Variants in CDC16 observed in about 807,000 individuals in gnomAD.
CDC16 encodes cell division cycle 16.
A neutral mutation model predicts 87.0 loss-of-function variants in CDC16; 34 were observed. The ratio of observed to expected loss-of-function variants is 0.39; its 90% CI spans 0.30 to 0.52. The LOEUF is 0.52. CDC16 is among the 20% of genes least tolerant of loss of function. The probability of loss-of-function intolerance (pLI) is 0.74; values close to 1 mark genes in which losing one functional copy is unlikely to be tolerated. For missense variants in CDC16, 653 were observed against 751.9 expected, an observed-to-expected ratio of 0.87 and a Z score of 1.54; for synonymous variants, 263 against 260.6, an observed-to-expected ratio of 1.01 and a Z score of -0.09.
At chr13:114,252,347 TATC>T (rs1450455385) in intron 12 of CDC16, among the ~76,000 whole-genome samples, 3 of 152,230 alleles carry the variant, frequency 2.0e-5, no homozygotes, top group East Asian at 3.8e-4. Context: ...TAACCTTTAT[TATC>T]TTTTCATAGG....
chr13:114,243,631 G>A (rs2081678695), intron 7 of CDC16, among the ~76,000 whole-genome samples: 8 of 152,224 alleles, frequency 5.3e-5, no homozygotes, highest in Admixed American at 4.6e-4. Flanking sequence ...CTTCCTGAAT[G>A]TTTACTTTGA....
At chr13:114,236,606 A>G (rs751584124) in intron 1 of CDC16, 39 bp from the exon 2 acceptor site, 1 of 1,586,718 alleles carries the variant, frequency 6.3e-7, no homozygotes, top group South Asian at 1.2e-5. Flanking sequence ...TATTAAAATA[A>G]CAGGGCAGTT....
chr13:114,234,929 TGGGTGG>T lies in CDC16; in HGVS notation c.-153_-148del. On this transcript the variant is annotated 5_prime_UTR_variant, in exon 1 of 18. Transcript: ENST00000356221. The stretch of plus-strand genomic sequence containing the variant: ...GGGGCCTGGGTGGGGGGTGCGGGTG[TGGGTGG>T]GGACCTGCGGCCTTCGAGTCCGCGG... 1 of 369,482 alleles carries T rather than the reference TGGGTGG, an allele frequency of 2.7e-6. No individual in the cohort carries two copies. Among genetic ancestry groups the T allele is most frequent in the South Asian group, 1.4e-4 (1 of 7,278 alleles). The allele number at this position is 369,482 out of a possible 1,614,324, so 22.9% of individuals were successfully genotyped here.
intron 14 of CDC16, among the ~76,000 whole-genome samples, chr13:114,259,818 G>C (rs983274039): frequency 6.6e-6 from 1 of 152,198 alleles, no homozygotes; most frequent in African/African-American, 2.4e-5. Flanking sequence ...ATAGGGATGG[G>C]ATAGGTATTA....
At chr13:114,240,880 T>C (rs957757017) in intron 5 of CDC16, among the ~76,000 whole-genome samples, 3 of 152,232 alleles carry the variant, frequency 2.0e-5, no homozygotes, top group Non-Finnish European at 2.9e-5. Context: ...CATTAACTTA[T>C]TTGCTATGAA....
chr13:114,249,963 C>T (rs1029590894), intron 11 of CDC16, among the ~76,000 whole-genome samples: 1 of 152,168 alleles, frequency 6.6e-6, no homozygotes, highest in African/African-American at 2.4e-5. Flanking sequence ...AATGTGGTGA[C>T]AGCTTGTTTA....
At chr13:114,258,203 A>G (rs2082627901) in intron 13 of CDC16, among the ~76,000 whole-genome samples, 1 of 152,252 alleles carries the variant, frequency 6.6e-6, no homozygotes, top group Non-Finnish European at 1.5e-5. Context: ...ATCTTTTAAT[A>G]TAATACAGTA....
chr13:114,239,221 A>G (rs1184058814), intron 4 of CDC16, 129 bp from the exon 5 acceptor site: 48 of 1,443,822 alleles, frequency 3.3e-5, no homozygotes, highest in Non-Finnish European at 4.2e-5. Flanking sequence ...ACATGCATGA[A>G]GAAAATTCTA....
intron 8 of CDC16, 54 bp from the exon 9 acceptor site, chr13:114,244,836 T>G: frequency 9.2e-7 from 1 of 1,092,640 alleles, no homozygotes; most frequent in Non-Finnish European, 1.4e-6. Context: ...CCGATCGTCG[T>G]GAGTGCTGTC....
At chr13:114,271,366 G>T (rs1192797358) in intron 17 of CDC16, among the ~76,000 whole-genome samples, 1 of 152,156 alleles carries the variant, frequency 6.6e-6, no homozygotes, top group Non-Finnish European at 1.5e-5. Context: ...CATCTGTTCA[G>T]ATCTGTTCAA....
At chr13:114,250,791 C>A in intron 12 of CDC16, 117 bp downstream of exon 12, 1 of 981,166 alleles carries the variant, frequency 1.0e-6, no homozygotes, top group Non-Finnish European at 1.5e-6. Context: ...ATTTTACTTG[C>A]CTTTTAATCT....
intron 3 of CDC16, among the ~76,000 whole-genome samples, chr13:114,238,503 G>T (rs1238564332): frequency 6.6e-6 from 1 of 150,676 alleles, no homozygotes; most frequent in African/African-American, 2.5e-5. Flanking sequence ...GCCTGAAGTG[G>T]AGCTGCTGCG....
chr13:114,251,904 A>G (rs1421659225), intron 12 of CDC16, among the ~76,000 whole-genome samples: 2 of 152,178 alleles, frequency 1.3e-5, no homozygotes, highest in Non-Finnish European at 2.9e-5. Flanking sequence ...ACCCTATTGG[A>G]TAAAAGCCTT....
At chr13:114,249,185 G>A (rs1009055502) in intron 11 of CDC16, among the ~76,000 whole-genome samples, 1 of 151,468 alleles carries the variant, frequency 6.6e-6, no homozygotes, top group Non-Finnish European at 1.5e-5. Flanking sequence ...TTAGATTCTC[G>A]TAAGGAGTGC....
chr13:114,252,750 T>C (rs201055192), intron 12 of CDC16, among the ~76,000 whole-genome samples: 3 of 150,078 alleles, frequency 2.0e-5, no homozygotes, highest in East Asian at 3.9e-4. Flanking sequence ...AGAATAGTTA[T>C]TAGTTAGTTC....
At position 114,239,548 on chromosome 13, in the gene CDC16, G is replaced by A. The variant is rs2081439096; in HGVS notation, c.381+58G>A. ...GCGGCGAGAATTGCCCTCATTACGTGGCAGAAACACATTATCTTCTTTTAC... is the reference window on the plus strand; with the variant it reads ...GCGGCGAGAATTGCCCTCATTACGTAGCAGAAACACATTATCTTCTTTTAC... On this transcript the variant is annotated intron_variant, in intron 5 of 17. Coordinates refer to ENST00000356221, the MANE Select transcript of CDC16 (RefSeq NM_001078645.3). 11 of 1,428,046 alleles carry A rather than the reference G, an allele frequency of 7.7e-6. No individual in the cohort carries two copies. The East Asian group carries it at 2.6e-4, about 34-fold the overall frequency. The allele number at this position is 1,428,046 out of a possible 1,614,324, so 88.5% of individuals were successfully genotyped here.
At position 114,243,277 on chromosome 13, in the gene CDC16, C is replaced by G. The variant is rs1245986207; in HGVS notation, c.562C>G (p.Leu188Val). The G allele has an allele frequency of 3.2e-6, 5 of 1,552,096 alleles. No individual in the cohort carries two copies. The highest frequency in any genetic ancestry group is 4.4e-6 in the Non-Finnish European group (5 of 1,124,870). The change falls in exon 7 of 18, where the codon CTA becomes GTA. Residue 188 changes from leucine to valine, a missense_variant. By Grantham distance (32) the Leu-to-Val change is conservative (BLOSUM62 1). Coordinates refer to ENST00000356221, the MANE Select transcript of CDC16 (RefSeq NM_001078645.3). ...AQEEKELLES[L>V]PLSKLCNEEQ... ...TTAAGAAAAAGAACTTCTTGAATCA[C>G]TACCCCTTAGCAAGCTGTGTAATGA... is the stretch of plus-strand genomic sequence containing the variant.
At chr13:114,241,219 TTC>T in intron 5 of CDC16, among the ~76,000 whole-genome samples, 1 of 152,330 alleles carries the variant, frequency 6.6e-6, no homozygotes, top group South Asian at 2.1e-4. Flanking sequence ...CCTCACAGAC[TTC>T]TATAAGTTAG....
chr13:114,250,323 T>C (rs1019360185), intron 11 of CDC16, among the ~76,000 whole-genome samples: 29 of 152,090 alleles, frequency 1.9e-4, no homozygotes, highest in Non-Finnish European at 3.8e-4. Context: ...TGAAACCCCA[T>C]CTCTACTGTG....
Sources: allele counts gnomAD v4.1 joint callset (sites outside exome capture counted in the v4.1 genomes callset), GRCh38; gene constraint gnomAD v4.1.1; transcripts MANE v1.5; gene names NCBI Gene and HGNC (gene_info 2026-07-23, HGNC 2026-07-21).